The following SLC25A53 variants were observed in gnomAD, a reference collection of about 807,000 sequenced individuals.
SLC25A53 encodes mitochondrial carrier triple repeat protein 6.
A neutral mutation model predicts 15.0 loss-of-function variants in SLC25A53; 5 were observed. That is an observed-to-expected ratio of 0.33 (90% CI 0.17 to 0.70). The LOEUF is 0.70. Ranked by LOEUF, SLC25A53 falls within the 30% of genes least tolerant of loss-of-function variation. SLC25A53 has a pLI of 0.67. For synonymous variants in SLC25A53, 95 were observed against 100.0 expected (o/e 0.95, Z 0.30); for missense variants, 216 against 241.6 (o/e 0.89, Z 0.70).
At chrX:104,153,241 T>G (rs1349330344) in intron 1 of SLC25A53, among the ~76,000 whole-genome samples, 1 of 84,647 alleles carries the variant, frequency 1.2e-5, no homozygotes, top group African/African-American at 5.2e-5. Flanking sequence ...AAACCTAGAG[T>G]GTGTGTATAT....
chrX:104,156,473 G>A (rs782802574), intron 1 of SLC25A53, among the ~76,000 whole-genome samples: 2 of 111,223 alleles, frequency 1.8e-5, no homozygotes, highest in South Asian at 3.8e-4. Flanking sequence ...ATCAATCAAC[G>A]CATCAATAGC....
intron 1 of SLC25A53, chrX:104,114,474 T>TG (rs1556360493): frequency 8.3e-7 from 1 of 1,211,771 alleles, no homozygotes; most frequent in Non-Finnish European, 1.1e-6. Context: ...AATTGGTGTT[T>TG]GGGGAGTCTG....
chrX:104,149,726 C>T (rs782595177), intron 1 of SLC25A53, among the ~76,000 whole-genome samples: 2 of 112,068 alleles, frequency 1.8e-5, no homozygotes, highest in East Asian at 5.6e-4. Flanking sequence ...GGAGAGGAGA[C>T]ATTTGACCCT....
chrX:104,114,055 G>T (rs962753865), intron 1 of SLC25A53: 33 of 1,205,022 alleles, frequency 2.7e-5, no homozygotes, highest in Non-Finnish European at 3.4e-5. Flanking sequence ...TGCAGATAAG[G>T]CTTTTCCAAA....
chrX:104,138,284 G>T (rs2075442140), intron 1 of SLC25A53, among the ~76,000 whole-genome samples: 1 of 111,766 alleles, frequency 8.9e-6, no homozygotes, highest in Non-Finnish European at 1.9e-5. Flanking sequence ...TGACGTGCCC[G>T]TACTTCCAGT....
At chrX:104,109,712 C>G (rs1556357439) in intron 1 of SLC25A53, among the ~76,000 whole-genome samples, 1 of 111,492 alleles carries the variant, frequency 9.0e-6, no homozygotes, top group African/African-American at 3.3e-5. Flanking sequence ...TGAAGCCTGA[C>G]ACAAGTTACT....
At chrX:104,113,713 C>G (rs1556360069) in intron 1 of SLC25A53, 1 of 151,186 alleles carries the variant, frequency 6.6e-6, no homozygotes, top group African/African-American at 3.2e-5. Flanking sequence ...CCAGTATCAG[C>G]TCCCAACACT....
chrX:104,099,556 C>T lies in SLC25A53; in HGVS notation c.*4778G>A, dbSNP rs1450325102. On this transcript the variant is annotated 3_prime_UTR_variant, in exon 2 of 2. Transcript: ENST00000594199. Reference sequence around the variant, plus strand: ...ACAGCTATCTGCAATATCAATGAGTCTCACAAGCAATGTGGAGTGAAACAA... The same window carrying T: ...ACAGCTATCTGCAATATCAATGAGTTTCACAAGCAATGTGGAGTGAAACAA... The T allele has an allele frequency of 5.3e-5, 6 of 112,294 alleles. No individual in the cohort carries two copies. Among genetic ancestry groups the T allele is most frequent in the Admixed American group, 3.8e-4 (4 of 10,574 alleles). The allele number at this position is 112,294 out of a possible 1,213,427, so 9.3% of individuals were successfully genotyped here.
At position 104,099,471 on chromosome X, in the gene SLC25A53, G is replaced by T. The variant is rs1602476699; in HGVS notation, c.*4863C>A. On this transcript the variant is annotated 3_prime_UTR_variant, in exon 2 of 2. Coordinates refer to ENST00000594199, the MANE Select transcript of SLC25A53 (RefSeq NM_001012755.5). Reference sequence around the variant, plus strand: ...CCAGAATGTTCCTCAAAGTTATCATGAATAAATCATGGTATATTTATACAA... The same window carrying T: ...CCAGAATGTTCCTCAAAGTTATCATTAATAAATCATGGTATATTTATACAA... 8.9e-6 allele frequency: 1 copy of T among 111,809 alleles called. No homozygotes were observed. Among genetic ancestry groups the T allele is most frequent in the East Asian group, 2.8e-4 (1 of 3,572 alleles). The allele number at this position is 111,809 out of a possible 1,213,427, so 9.2% of individuals were successfully genotyped here.
chrX:104,156,513 C>T, intron 1 of SLC25A53, among the ~76,000 whole-genome samples: 1 of 111,232 alleles, frequency 9.0e-6, no homozygotes, highest in East Asian at 2.8e-4. Context: ...CTAGATCTTT[C>T]CAATAAAATC....
chrX:104,148,119 C>A (rs1270489700), intron 1 of SLC25A53, among the ~76,000 whole-genome samples: 16 of 109,308 alleles, frequency 1.5e-4, no homozygotes, highest in Non-Finnish European at 3.1e-4. Flanking sequence ...TACTATGCAG[C>A]CATAAAAAAT....
intron 1 of SLC25A53, among the ~76,000 whole-genome samples, chrX:104,140,831 C>T (rs2075448982): frequency 8.9e-6 from 1 of 111,902 alleles, no homozygotes; most frequent in South Asian, 3.7e-4. Context: ...CCAGCCTCCA[C>T]CCAGGACAGT....
Position 104,114,256 on chromosome X carries a change from T to G in SLC25A53, c.-31-8968A>C, listed in dbSNP as rs782406084. The G allele has an allele frequency of 3.3e-6, 4 of 1,207,591 alleles. No homozygotes were observed. In the South Asian group the frequency reaches 5.3e-5, roughly 16 times the overall value. ...GGCAGAGAGAAACATGAAGTTGTTC[T>G]CAGGAAGAGTGGTGCCAGCCCAGGG... On this transcript the variant is annotated intron_variant, in intron 1 of 1. Transcript: ENST00000594199.
intron 1 of SLC25A53, among the ~76,000 whole-genome samples, chrX:104,123,794 T>C (rs782688606): frequency 9.0e-6 from 1 of 110,947 alleles, no homozygotes; most frequent in Admixed American, 9.6e-5. Flanking sequence ...TTCCCACTTA[T>C]AAGTGAGAAT....
intron 1 of SLC25A53, among the ~76,000 whole-genome samples, chrX:104,131,441 C>T (rs782760259): frequency 1.8e-5 from 2 of 111,733 alleles, no homozygotes; most frequent in South Asian, 7.5e-4. Context: ...CTCCTCAAAC[C>T]ACTGCATTCC....
In SLC25A53 at chrX:104,103,278, A is replaced by C. The variant is rs1304645110; in HGVS notation, c.*1056T>G. On this transcript the variant is annotated 3_prime_UTR_variant, in exon 2 of 2. Transcript: ENST00000594199. ...ATTTTGGTAGACTGGCATGTGAAGA[A>C]GGAGCACTGCAGGTGGAAAGAATAG... 8.9e-6 allele frequency: 1 copy of C among 111,991 alleles called. No homozygotes were observed. Among genetic ancestry groups the C allele is most frequent in the Non-Finnish European group, 1.9e-5 (1 of 53,259 alleles). 9.2% of individuals were successfully genotyped at this position (111,991 alleles called of 1,213,427 possible). A position where few individuals can be genotyped will look rare whatever the true frequency, so the allele number is the denominator to read the frequency against.
At chrX:104,107,259 C>A (rs1405852448) in intron 1 of SLC25A53, among the ~76,000 whole-genome samples, 2 of 112,386 alleles carry the variant, frequency 1.8e-5, no homozygotes, top group African/African-American at 6.5e-5. Context: ...GATGGAGGCT[C>A]AGCCTCCTGT....
At position 104,122,611 on chromosome X, in the gene SLC25A53, G is replaced by A. The variant is rs183271543; in HGVS notation, c.-31-17323C>T. ...GGCTACTCTAAATTCTCCTTTTATA[G>A]GGATACAACAGCCCTCAATGACTTC... On this transcript the variant is annotated intron_variant, in intron 1 of 1. Coordinates refer to ENST00000594199, the MANE Select transcript of SLC25A53 (RefSeq NM_001012755.5). 6.0e-3 allele frequency among the ~76,000 whole-genome samples: 661 copies of A among 110,889 alleles called. 7 individuals carry two copies. Among genetic ancestry groups the A allele is most frequent in the African/African-American group, 0.021 (627 of 30,516 alleles).
chrX:104,117,185 T>G (rs1228470076), intron 1 of SLC25A53, among the ~76,000 whole-genome samples: 2 of 97,552 alleles, frequency 2.1e-5, no homozygotes, highest in African/African-American at 7.8e-5. Flanking sequence ...ATCTCATTCA[T>G]ATCCCCCCTG....
Sources: allele counts gnomAD v4.1 joint callset (sites outside exome capture counted in the v4.1 genomes callset), GRCh38; gene constraint gnomAD v4.1.1; transcripts MANE v1.5; gene names NCBI Gene and HGNC (gene_info 2026-07-23, HGNC 2026-07-21).